The following PHC1 variants were observed in gnomAD, a reference collection of about 807,000 sequenced individuals.
PHC1 encodes polyhomeotic-like protein 1.
PHC1 carries 12 observed loss-of-function variants against 104.3 expected under a neutral mutation model. That is an observed-to-expected ratio of 0.12 (90% CI 0.07 to 0.19). The LOEUF (loss-of-function observed/expected upper bound fraction) is 0.19. Ranked by LOEUF, PHC1 falls within the 10% of genes least tolerant of loss-of-function variation. PHC1 has a pLI of 1.00. For missense variants in PHC1, 671 were observed against 1,200.0 expected (o/e 0.56, Z 6.51); for synonymous variants, 302 against 455.8 (o/e 0.66, Z 4.30).
intron 3 of PHC1, 144 bp from the exon 4 acceptor site, chr12:8,920,839 AAT>A: frequency 1.7e-6 from 1 of 592,782 alleles, no homozygotes; most frequent in South Asian, 2.1e-5. Context: ...TGGACTAGTG[AAT>A]ATACTTTTCT....
chr12:8,920,729 C>G (rs193299354), intron 3 of PHC1, among the ~76,000 whole-genome samples: 3 of 152,154 alleles, frequency 2.0e-5, no homozygotes, highest in African/African-American at 4.8e-5. Flanking sequence ...CATCTTTTTC[C>G]ACCTAAAAGA....
intron 7 of PHC1, among the ~76,000 whole-genome samples, chr12:8,931,186 GT>G (rs1459951638): frequency 6.6e-6 from 1 of 152,144 alleles, no homozygotes; most frequent in African/African-American, 2.4e-5. Flanking sequence ...TTCTTAGGCT[GT>G]GAGTTCTTCA....
chr12:8,933,407 T>A (rs1213654698), intron 8 of PHC1, 57 bp downstream of exon 8: 5 of 1,467,616 alleles, frequency 3.4e-6, no homozygotes, highest in Non-Finnish European at 3.6e-6. Flanking sequence ...GGACCTGGGC[T>A]AAGTGGAAAT....
At chr12:8,923,030 A>G (rs1052873683) in intron 6 of PHC1, among the ~76,000 whole-genome samples, 2 of 152,192 alleles carry the variant, frequency 1.3e-5, no homozygotes, top group Non-Finnish European at 2.9e-5. Context: ...TCTTATTTTC[A>G]AGATAGGGTA....
chr12:8,935,562 G>A (rs1300159377), intron 11 of PHC1, among the ~76,000 whole-genome samples: 1 of 152,016 alleles, frequency 6.6e-6, no homozygotes, highest in Non-Finnish European at 1.5e-5. Context: ...GGAGGCGGAG[G>A]TTGCAGTGAA....
chr12:8,914,457 C>CGCG (rs1555124288), upstream of PHC1: 1 of 42,602 alleles, frequency 2.3e-5, no homozygotes, highest in African/African-American at 9.2e-5. Context: ...GGAGGGACGG[C>CGCG]GGGGGGGGGG....
At chr12:8,931,028 C>T in intron 7 of PHC1, 101 bp downstream of exon 7, 3 of 1,241,892 alleles carry the variant, frequency 2.4e-6, no homozygotes, top group Non-Finnish European at 3.3e-6. Context: ...TGTTTTTTCC[C>T]CGCTTCTGTT....
chr12:8,933,415 A>G (rs1326909802), intron 8 of PHC1, 65 bp downstream of exon 8: 3 of 1,451,458 alleles, frequency 2.1e-6, no homozygotes, highest in Non-Finnish European at 1.8e-6. Context: ...GCTAAGTGGA[A>G]ATAGAGCTTA....
chr12:8,924,483 A>G (rs995628902), intron 6 of PHC1, among the ~76,000 whole-genome samples: 17 of 152,292 alleles, frequency 1.1e-4, no homozygotes, highest in South Asian at 2.1e-4. Flanking sequence ...CTCCAAAACA[A>G]AAAGAAAGTG....
chr12:8,921,252 G>T (rs1945354095), intron 4 of PHC1, among the ~76,000 whole-genome samples, 187 bp downstream of exon 4: 1 of 152,166 alleles, frequency 6.6e-6, no homozygotes, highest in South Asian at 2.1e-4. Context: ...CTCTAAAGAG[G>T]AAGTCTAAGG....
intron 7 of PHC1, among the ~76,000 whole-genome samples, chr12:8,931,684 G>A (rs1003106117): frequency 1.3e-5 from 2 of 152,084 alleles, no homozygotes; most frequent in African/African-American, 4.8e-5. Flanking sequence ...TGGGTGACAG[G>A]GCAAGACTCT....
chr12:8,922,737 G>A lies in PHC1; in HGVS notation c.561G>A (p.Gln187=), dbSNP rs757898945. The A allele has an allele frequency of 1.2e-6, 2 of 1,612,452 alleles. No individual in the cohort carries two copies. Among genetic ancestry groups the A allele is most frequent in the Non-Finnish European group, 1.7e-6 (2 of 1,179,380 alleles). The change falls in exon 6 of 15, where the codon CAG becomes CAA. Residue 187 remains glutamine (Q), a synonymous_variant. Transcript: ENST00000544916. ...CTAATGGGGCGGTGGCTGCAGTCCA[G>A]CAGGAGGTGCCATCTGCTCAGTCTC... The part of the protein sequence containing the change: ...LMPNGAVAAV[Q]QEVPSAQSPG...
intron 7 of PHC1, among the ~76,000 whole-genome samples, chr12:8,932,225 G>A (rs1299754335): frequency 6.6e-6 from 1 of 152,124 alleles, no homozygotes; most frequent in Non-Finnish European, 1.5e-5. Flanking sequence ...AATGGAGGAG[G>A]GGCTAACCAT....
chr12:8,934,578 T>C, intron 10 of PHC1, 100 bp downstream of exon 10: 1 of 765,564 alleles, frequency 1.3e-6, no homozygotes, highest in Non-Finnish European at 2.1e-6. Context: ...AACTATTTAA[T>C]GAAAGAATGG....
intron 11 of PHC1, among the ~76,000 whole-genome samples, chr12:8,935,589 C>T (rs375960907): frequency 1.6e-4 from 24 of 151,732 alleles, no homozygotes; most frequent in African/African-American, 4.6e-4. Flanking sequence ...TGCACGCCAC[C>T]GCACTCCAGC....
At chr12:8,925,510 A>G (rs1195980333) in intron 6 of PHC1, among the ~76,000 whole-genome samples, 1 of 152,194 alleles carries the variant, frequency 6.6e-6, no homozygotes, top group Non-Finnish European at 1.5e-5. Flanking sequence ...GTAAAAGTCA[A>G]GGAGGTGACA....
chr12:8,921,166 C>A, intron 4 of PHC1, 101 bp downstream of exon 4: 1 of 827,654 alleles, frequency 1.2e-6, no homozygotes, highest in South Asian at 1.7e-5. Context: ...ATTGAGCCGT[C>A]AGTGGATAGT....
At chr12:8,916,796 T>C (rs772528264) in intron 1 of PHC1, among the ~76,000 whole-genome samples, 1 of 152,194 alleles carries the variant, frequency 6.6e-6, no homozygotes, top group East Asian at 1.9e-4. Context: ...TCCTTTGCAG[T>C]GAGGAAACAG....
chr12:8,921,461 G>A (rs1199914290), intron 4 of PHC1, 140 bp from the exon 5 acceptor site: 1 of 782,456 alleles, frequency 1.3e-6, no homozygotes, highest in Non-Finnish European at 2.1e-6. Flanking sequence ...TTTTGGATAT[G>A]AAGACATTAT....
Sources: gnomAD v4.1 joint callset for allele counts (sites outside exome capture counted in the v4.1 genomes callset) on GRCh38, gnomAD v4.1.1 for gene constraint, MANE v1.5 for transcripts, NCBI Gene and HGNC (gene_info 2026-07-23, HGNC 2026-07-21) for gene names.